The following PCOLCE2 variants were observed in gnomAD, a reference collection of about 807,000 sequenced individuals.
The protein encoded by PCOLCE2 is procollagen C-endopeptidase enhancer 2.
Under a neutral mutation model 47.0 loss-of-function variants are expected in PCOLCE2, and 42 were observed. That is an observed-to-expected ratio of 0.89 (90% confidence interval 0.70 to 1.16). The LOEUF (loss-of-function observed/expected upper bound fraction) is 1.16, where lower values mean the gene tolerates loss of function less well. Among genes scored for constraint, PCOLCE2 ranks in the 50% most tolerant of loss-of-function variants. The pLI is 0.00. For missense variants in PCOLCE2, 500 were observed against 526.1 expected, an observed-to-expected ratio of 0.95 and a Z score of 0.49; for synonymous variants, 169 against 191.7, an observed-to-expected ratio of 0.88 and a Z score of 0.98.
Position 142,889,033 on chromosome 3 carries a change from T to G in PCOLCE2, c.-137A>C. 13 of 300,322 alleles carry G rather than the reference T, an allele frequency of 4.3e-5. No individual in the cohort carries two copies. The highest frequency in any genetic ancestry group is 5.6e-5 in the Admixed American group (1 of 17,926). 18.6% of individuals were successfully genotyped at this position (300,322 alleles called of 1,614,324 possible). A position where few individuals can be genotyped will look rare whatever the true frequency, so the allele number is the denominator to read the frequency against. ...CACCGGCGCTCGGCTGCCCGCGCGC[T>G]CCCTCTCACGCGCGCACCGCCGCGG... On this transcript the variant is annotated 5_prime_UTR_variant, in exon 1 of 9. Transcript: ENST00000295992.
At position 142,845,619 on chromosome 3, in the gene PCOLCE2, C is replaced by T. The variant is rs563458916; in HGVS notation, c.449-2571G>A. On this transcript the variant is annotated intron_variant, in intron 3 of 8. Transcript: ENST00000295992. ...TTTATCTGAAAATGTCTTCATTTTA[C>T]TTACATTCTTGAAGGCTGGCTATAG... is the stretch of plus-strand genomic sequence containing the variant. Among the ~76,000 whole-genome samples the T allele has an allele frequency of 2.1e-4, 32 of 152,246 alleles. 1 individual carries two copies. The South Asian group carries it at 6.4e-3, about 31-fold the overall frequency.
chr3:142,826,871 TCTC>T (rs1167189005), intron 6 of PCOLCE2, among the ~76,000 whole-genome samples: 8 of 152,044 alleles, frequency 5.3e-5, no homozygotes, highest in African/African-American at 1.9e-4. Flanking sequence ...TCCTCCCAGT[TCTC>T]CTCCCTCCTC....
chr3:142,864,472 C>T (rs900737712), intron 2 of PCOLCE2: 1 of 152,132 alleles, frequency 6.6e-6, no homozygotes, highest in African/African-American at 2.4e-5. Context: ...TCATAAAACA[C>T]TTTTTTCCTT....
At chr3:142,863,074 C>T (rs1383551690) in intron 2 of PCOLCE2, among the ~76,000 whole-genome samples, 1 of 104,730 alleles carries the variant, frequency 9.5e-6, no homozygotes, top group Admixed American at 1.4e-4. Flanking sequence ...GGATGCCTAT[C>T]AATACTTATC....
At chr3:142,863,284 A>T (rs1284709552) in intron 2 of PCOLCE2, among the ~76,000 whole-genome samples, 1 of 152,204 alleles carries the variant, frequency 6.6e-6, no homozygotes, top group East Asian at 1.9e-4. Flanking sequence ...TCCACAATAC[A>T]AAGGCAGTAA....
intron 6 of PCOLCE2, among the ~76,000 whole-genome samples, chr3:142,829,281 C>CA (rs71629547): frequency 0.17 from 24,121 of 139,076 alleles, 2,039 homozygotes; most frequent in Middle Eastern, 0.2. Flanking sequence ...CGCTGAGAAG[C>CA]AAAAAAAAAA....
chr3:142,860,429 TTG>T (rs1253602944), intron 2 of PCOLCE2, among the ~76,000 whole-genome samples: 6 of 137,478 alleles, frequency 4.4e-5, no homozygotes, highest in African/African-American at 2.1e-4. Context: ...TGCCTTTTTG[TTG>T]TTGTTGTTGT....
At chr3:142,821,781 G>A (rs77701752) in intron 7 of PCOLCE2, among the ~76,000 whole-genome samples, 4,506 of 151,248 alleles carry the variant, frequency 0.03, 192 homozygotes, top group East Asian at 0.095. Context: ...ATGACACTCC[G>A]AGAAAAGAGT....
At chr3:142,830,890 T>C (rs1471281613) in intron 5 of PCOLCE2, among the ~76,000 whole-genome samples, 3 of 152,234 alleles carry the variant, frequency 2.0e-5, no homozygotes, top group Non-Finnish European at 4.4e-5. Context: ...AATCACTTCT[T>C]ACACATCATG....
chr3:142,886,156 A>G (rs1387082981), intron 2 of PCOLCE2, among the ~76,000 whole-genome samples: 1 of 152,108 alleles, frequency 6.6e-6, no homozygotes, highest in African/African-American at 2.4e-5. Flanking sequence ...CCCCACTCCC[A>G]CACAGGAAAT....
At chr3:142,879,163 G>T (rs1043484830) in intron 2 of PCOLCE2, among the ~76,000 whole-genome samples, 3 of 151,628 alleles carry the variant, frequency 2.0e-5, no homozygotes, top group Admixed American at 6.6e-5. Context: ...TAAAAAAAGT[G>T]TTATCTTTAT....
intron 2 of PCOLCE2, among the ~76,000 whole-genome samples, chr3:142,874,761 T>C (rs1211965610): frequency 6.6e-6 from 1 of 152,212 alleles, no homozygotes; most frequent in Non-Finnish European, 1.5e-5. Flanking sequence ...AAAAAGGCCT[T>C]GGCCTTAAGA....
chr3:142,865,154 GTGTT>G (rs1256614495), intron 2 of PCOLCE2, among the ~76,000 whole-genome samples: 2 of 150,296 alleles, frequency 1.3e-5, no homozygotes, highest in Non-Finnish European at 3.0e-5. Flanking sequence ...GCTATTCTCT[GTGTT>G]TTTTTTTTTT....
Position 142,865,756 on chromosome 3 carries a change from G to A in PCOLCE2, c.193-17284C>T, listed in dbSNP as rs556975773. On this transcript the variant is annotated intron_variant, in intron 2 of 8. Transcript: ENST00000295992. ...GTCAGCAGGCTCATTATATAAATAT[G>A]TCAACAAAATCAATGTATGGAGAAC... Among the ~76,000 whole-genome samples, 3 of 152,298 alleles carry A rather than the reference G, an allele frequency of 2.0e-5. No homozygotes were observed. In the East Asian group the frequency reaches 5.8e-4, roughly 29 times the overall value.
chr3:142,819,251 G>A lies in PCOLCE2; in HGVS notation c.1118-786C>T, dbSNP rs143793710. Among the ~76,000 whole-genome samples, 31 of 152,298 alleles carry A rather than the reference G, an allele frequency of 2.0e-4. No homozygotes were observed. The East Asian group carries it at 5.0e-3, about 25-fold the overall frequency. ...TTAGGCCTAGACTGGGGCCTGAGGTGTTGGGTAACTCTGAATATTTATATT... is the reference window on the plus strand; with the variant it reads ...TTAGGCCTAGACTGGGGCCTGAGGTATTGGGTAACTCTGAATATTTATATT... On this transcript the variant is annotated intron_variant, in intron 8 of 8. Coordinates refer to ENST00000295992, the MANE Select transcript of PCOLCE2 (RefSeq NM_013363.4).
At chr3:142,887,441 AT>A (rs1933737210) in intron 2 of PCOLCE2, 6 of 401,376 alleles carry the variant, frequency 1.5e-5, no homozygotes, top group Admixed American at 8.4e-5. Context: ...TGCTCTGAGA[AT>A]TTATTCCTTC....
Position 142,887,787 on chromosome 3 carries a change from T to C in PCOLCE2, c.84-10A>G. On this transcript the variant is annotated splice_polypyrimidine_tract_variant and intron_variant, in intron 1 of 8. Transcript: ENST00000295992. ...ACATGTGAAAACAGGTCTGGGAACA[T>C]AAAAGAAGAAAAGATAATGTAATTT... The C allele has an allele frequency of 7.0e-7, 1 of 1,429,512 alleles. No homozygotes were observed. The highest frequency in any genetic ancestry group is 9.9e-7 in the Non-Finnish European group (1 of 1,013,620). The allele number at this position is 1,429,512 out of a possible 1,614,324, so 88.6% of individuals were successfully genotyped here.
chr3:142,869,842 T>C (rs532807986), intron 2 of PCOLCE2, among the ~76,000 whole-genome samples: 1 of 152,306 alleles, frequency 6.6e-6, no homozygotes, highest in Admixed American at 6.5e-5. Context: ...CTAAAATGCA[T>C]AAAACCAAGC....
intron 2 of PCOLCE2, among the ~76,000 whole-genome samples, chr3:142,851,799 T>C (rs1003835189): frequency 1.3e-5 from 2 of 152,028 alleles, no homozygotes; most frequent in African/African-American, 2.4e-5. Flanking sequence ...AGGAGAGGAA[T>C]AGGGAGGTAT....
Sources: allele counts gnomAD v4.1 joint callset (sites outside exome capture counted in the v4.1 genomes callset), GRCh38; gene constraint gnomAD v4.1.1; transcripts MANE v1.5; gene names NCBI Gene and HGNC (gene_info 2026-07-23, HGNC 2026-07-21).